Variants in PTPRT observed in about 807,000 individuals in gnomAD.
PTPRT encodes receptor-type tyrosine-protein phosphatase T.
Under a neutral mutation model 176.8 loss-of-function variants are expected in PTPRT, and 56 were observed. The observed-to-expected ratio is 0.32, with a 90% CI of 0.26 to 0.40. The LOEUF (loss-of-function observed/expected upper bound fraction) is 0.40. Ranked by LOEUF, PTPRT falls within the 10% of genes least tolerant of loss-of-function variation. The pLI is 1.00. For synonymous variants in PTPRT, 783 were observed against 739.0 expected (o/e 1.06, Z -0.96); for missense variants, 1,540 against 1,908.2 (o/e 0.81, Z 3.60).
At chr20:42,557,178 A>G (rs2072875203) in intron 7 of PTPRT, among the ~76,000 whole-genome samples, 3 of 152,140 alleles carry the variant, frequency 2.0e-5, no homozygotes, top group African/African-American at 7.2e-5. Flanking sequence ...CCCACAACTC[A>G]TTCATTGATT....
At chr20:42,496,902 C>T (rs1160053960) in intron 7 of PTPRT, among the ~76,000 whole-genome samples, 1 of 152,110 alleles carries the variant, frequency 6.6e-6, no homozygotes, top group African/African-American at 2.4e-5. Flanking sequence ...ACTTAAAGAT[C>T]CTCATGACCC....
intron 1 of PTPRT, among the ~76,000 whole-genome samples, chr20:42,996,230 A>C (rs956846406): frequency 6.6e-6 from 1 of 152,200 alleles, no homozygotes; most frequent in Non-Finnish European, 1.5e-5. Context: ...AGCAACTTCT[A>C]TATGTCTGGC....
chr20:43,091,436 CTCTG>C (rs1416871824), intron 1 of PTPRT, among the ~76,000 whole-genome samples: 1 of 151,742 alleles, frequency 6.6e-6, no homozygotes, highest in Admixed American at 6.6e-5. Flanking sequence ...CTCTCTCTCT[CTCTG>C]TATTTCTCTC....
At chr20:42,096,677 G>GGAT (rs1421892007) in intron 27 of PTPRT, among the ~76,000 whole-genome samples, 5 of 152,094 alleles carry the variant, frequency 3.3e-5, no homozygotes, top group African/African-American at 1.2e-4. Context: ...GAGCCTTGCA[G>GGAT]TGCTCAAGCA....
At chr20:42,561,826 C>T (rs779264611) in intron 7 of PTPRT, among the ~76,000 whole-genome samples, 14 of 152,186 alleles carry the variant, frequency 9.2e-5, no homozygotes, top group Non-Finnish European at 1.6e-4. Context: ...CCTCAGTTTC[C>T]ACATTTGTGC....
chr20:42,606,466 C>T (rs1472171514), intron 7 of PTPRT, among the ~76,000 whole-genome samples: 3 of 152,180 alleles, frequency 2.0e-5, no homozygotes, highest in African/African-American at 4.8e-5. Flanking sequence ...CTGCTATGTG[C>T]CAGGCCCTGG....
intron 9 of PTPRT, among the ~76,000 whole-genome samples, chr20:42,353,160 G>T (rs189132338): frequency 2.0e-5 from 3 of 152,166 alleles, no homozygotes; most frequent in Admixed American, 2.0e-4. Flanking sequence ...GAGGCCAGTG[G>T]TCACCATGCT....
At chr20:42,579,213 C>T (rs2073325859) in intron 7 of PTPRT, among the ~76,000 whole-genome samples, 2 of 151,958 alleles carry the variant, frequency 1.3e-5, no homozygotes, top group South Asian at 4.2e-4. Context: ...CCAGCTTCAT[C>T]CATGTCCCTA....
At chr20:42,312,747 T>C (rs972138195) in intron 12 of PTPRT, among the ~76,000 whole-genome samples, 1 of 151,762 alleles carries the variant, frequency 6.6e-6, no homozygotes, top group Non-Finnish European at 1.5e-5. Flanking sequence ...GCCTTGTTCA[T>C]TTCTGAAGCA....
chr20:42,639,942 C>T (rs990404844), intron 7 of PTPRT, among the ~76,000 whole-genome samples: 1 of 152,092 alleles, frequency 6.6e-6, no homozygotes, highest in Non-Finnish European at 1.5e-5. Context: ...AAATCCCTCT[C>T]CCCCCAACCC....
Position 43,049,893 on chromosome 20 carries a change from T to C in PTPRT, c.88+139753A>G, listed in dbSNP as rs549419732. Reference sequence around the variant, plus strand: ...TTGACTATAGAAATTAGACTAATTATGGGATCTCCCTGAGCCAGTGGCTAT... The same window carrying C: ...TTGACTATAGAAATTAGACTAATTACGGGATCTCCCTGAGCCAGTGGCTAT... On this transcript the variant is annotated intron_variant, in intron 1 of 30. Transcript: ENST00000373187. Among the ~76,000 whole-genome samples, 298 of 152,376 alleles carry C rather than the reference T, an allele frequency of 2.0e-3. 1 individual carries two copies. Among genetic ancestry groups the C allele is most frequent in the Non-Finnish European group, 3.1e-3 (213 of 68,034 alleles).
chr20:42,409,608 A>G (rs2058994495), intron 9 of PTPRT, among the ~76,000 whole-genome samples: 1 of 151,496 alleles, frequency 6.6e-6, no homozygotes, highest in African/African-American at 2.4e-5. Flanking sequence ...TGAAAGGTGG[A>G]GCAGTCTGAA....
intron 2 of PTPRT, among the ~76,000 whole-genome samples, chr20:42,879,296 A>C (rs1423613038): frequency 6.6e-6 from 1 of 152,170 alleles, no homozygotes; most frequent in Non-Finnish European, 1.5e-5. Context: ...GCTCTAGAGA[A>C]GAACCCGTCA....
chr20:42,986,392 C>T (rs564085905), intron 1 of PTPRT, among the ~76,000 whole-genome samples: 4 of 152,158 alleles, frequency 2.6e-5, no homozygotes, highest in African/African-American at 4.8e-5. Context: ...GGACGACCAG[C>T]GTTTGATGAA....
intron 9 of PTPRT, among the ~76,000 whole-genome samples, chr20:42,413,847 G>A (rs1280243656): frequency 6.6e-6 from 1 of 152,106 alleles, no homozygotes; most frequent in Non-Finnish European, 1.5e-5. Context: ...CTCCACGAGA[G>A]TAGAGACTTT....
At chr20:42,605,646 T>C (rs983442662) in intron 7 of PTPRT, among the ~76,000 whole-genome samples, 1 of 152,204 alleles carries the variant, frequency 6.6e-6, no homozygotes, top group Non-Finnish European at 1.5e-5. Flanking sequence ...TGGTTGTGGC[T>C]TTCAGAAACT....
intron 1 of PTPRT, among the ~76,000 whole-genome samples, chr20:42,963,597 T>C (rs1033890747): frequency 6.1e-5 from 9 of 147,572 alleles, no homozygotes; most frequent in African/African-American, 2.4e-4. Flanking sequence ...AATAGTTCTT[T>C]GTAAAAGATA....
intron 7 of PTPRT, among the ~76,000 whole-genome samples, chr20:42,483,418 C>A (rs1201863635): frequency 6.6e-6 from 1 of 152,212 alleles, no homozygotes; most frequent in Non-Finnish European, 1.5e-5. Context: ...CCCGCCTTGG[C>A]CTCCCAAAAT....
At chr20:42,087,743 G>A (rs908841760) in intron 27 of PTPRT, among the ~76,000 whole-genome samples, 1 of 150,962 alleles carries the variant, frequency 6.6e-6, no homozygotes, top group Non-Finnish European at 1.5e-5. Flanking sequence ...TATGGTGGTG[G>A]GCACCTGTAA....
Sources: gnomAD v4.1 joint callset for allele counts (sites outside exome capture counted in the v4.1 genomes callset) on GRCh38, gnomAD v4.1.1 for gene constraint, MANE v1.5 for transcripts, NCBI Gene and HGNC (gene_info 2026-07-23, HGNC 2026-07-21) for gene names.